Variants in KRT25 observed in about 807,000 individuals in gnomAD.
The protein encoded by KRT25 is keratin, type I cytoskeletal 25.
Under a neutral mutation model 47.6 loss-of-function variants are expected in KRT25, and 37 were observed. The ratio of observed to expected loss-of-function variants is 0.78; its 90% CI spans 0.60 to 1.02. The LOEUF (loss-of-function observed/expected upper bound fraction) is 1.02, where lower values mean the gene tolerates loss of function less well. KRT25 is among the 50% of genes least tolerant of loss of function. The pLI is 0.00. For synonymous variants in KRT25, 203 were observed against 210.2 expected (o/e 0.97, Z 0.30); for missense variants, 542 against 550.3 (o/e 0.98, Z 0.15).
At chr17:40,754,354 A>G (rs1008382857) in intron 2 of KRT25, 32 bp downstream of exon 2, 7 of 1,552,488 alleles carry the variant, frequency 4.5e-6, no homozygotes, top group Middle Eastern at 3.3e-4. Flanking sequence ...ATGAATTGCC[A>G]TGAATTCATT....
intron 2 of KRT25, 31 bp downstream of exon 2, chr17:40,754,355 T>C: frequency 1.3e-6 from 2 of 1,552,818 alleles, no homozygotes; most frequent in Non-Finnish European, 1.8e-6. Flanking sequence ...TGAATTGCCA[T>C]GAATTCATTT....
rs2038033583 is a variant in KRT25, at chr17:40,750,312, G to A, written c.1175+68C>T. The stretch of plus-strand genomic sequence containing the variant: ...GCCAAATTATGTCCGCTTTCCAGTG[G>A]AAAGTGGGATCTAAGTTGCAAGCAG... On this transcript the variant is annotated intron_variant, in intron 6 of 7. Transcript: ENST00000312150. 4 of 1,506,138 alleles carry A rather than the reference G, an allele frequency of 2.7e-6. No individual in the cohort carries two copies. The Admixed American group carries it at 5.1e-5, about 19-fold the overall frequency. The allele number at this position is 1,506,138 out of a possible 1,614,324, so 93.3% of individuals were successfully genotyped here. A position where few individuals can be genotyped will look rare whatever the true frequency, so the allele number is the denominator to read the frequency against.
At chr17:40,753,468 A>T (rs1039502887) in intron 3 of KRT25, among the ~76,000 whole-genome samples, 1 of 151,662 alleles carries the variant, frequency 6.6e-6, no homozygotes, top group South Asian at 2.1e-4. Flanking sequence ...AGGCTGAGGC[A>T]GGTGGATCAC....
chr17:40,754,460 T>C lies in KRT25; in HGVS notation c.438A>G (p.Ala146=). Residue 146 remains alanine (A), a synonymous_variant, in exon 2 of 8, where the codon GCA becomes GCG. Coordinates refer to ENST00000312150, the MANE Select transcript of KRT25 (RefSeq NM_181534.4). ...CAGCATTAGCATTGCTGGTGGTGGA[T>C]GCGATGATCTAGAAATGGGAATTTG... ...IIDDLKNQII[A]STTSNANAVL... is the part of the protein sequence containing the mutation. 1 of 1,613,686 alleles carries C rather than the reference T, an allele frequency of 6.2e-7. No individual in the cohort carries two copies. The highest frequency in any genetic ancestry group is 8.5e-7 in the Non-Finnish European group (1 of 1,179,666).
At chr17:40,750,757 A>C (rs2038038593) in intron 5 of KRT25, among the ~76,000 whole-genome samples, 160 bp from the exon 6 acceptor site, 1 of 152,178 alleles carries the variant, frequency 6.6e-6, no homozygotes. Flanking sequence ...AAATGAGCAA[A>C]TCCTTCTTTT....
In KRT25 at chr17:40,751,186, C is replaced by T. The variant is rs2038043368; in HGVS notation, c.810G>A (p.Ala270=). The T allele has an allele frequency of 6.2e-7, 1 of 1,613,992 alleles. No homozygotes were observed. Among genetic ancestry groups the T allele is most frequent in the Non-Finnish European group, 8.5e-7 (1 of 1,179,994 alleles). ...EALAEQNRRD[A]EAWFNEKSAS... ...TCACCTTCTCGTTGAACCAGGCCTC[C>T]GCGTCCCTGCGGTTCTGCTCTGCAA... is the stretch of plus-strand genomic sequence containing the variant. Residue 270 remains alanine (A), a synonymous_variant, in exon 4 of 8, where the codon GCG becomes GCA. Coordinates refer to ENST00000312150, the MANE Select transcript of KRT25 (RefSeq NM_181534.4).
chr17:40,753,397 A>G (rs2038068890), intron 3 of KRT25, among the ~76,000 whole-genome samples: 1 of 151,790 alleles, frequency 6.6e-6, no homozygotes, highest in African/African-American at 2.4e-5. Context: ...AGAATCTGAC[A>G]CTTAAAAAGA....
At chr17:40,752,419 T>C (rs892452958) in intron 3 of KRT25, among the ~76,000 whole-genome samples, 1 of 152,132 alleles carries the variant, frequency 6.6e-6, no homozygotes, top group Non-Finnish European at 1.5e-5. Context: ...CATTCATGAA[T>C]TGGTCTTAAT....
rs146925647 is a variant in KRT25, at chr17:40,750,587, A to C, written c.968T>G (p.Leu323Arg). 497 of 1,614,214 alleles carry C rather than the reference A, an allele frequency of 3.1e-4. 2 individuals are homozygous for C. Among genetic ancestry groups the C allele is most frequent in the Middle Eastern group, 2.1e-3 (13 of 6,062 alleles). The change falls in exon 6 of 8, where the codon CTG (leucine) becomes CGG (arginine). Residue 323 changes from leucine to arginine, a missense_variant. Transcript: ENST00000312150. Reference protein sequence around the residue: ...LQSLLATKHSLECSLTETESN... With the variant: ...LQSLLATKHSRECSLTETESN... ...CTCGGTCTCTGTCAAGGAGCACTCC[A>C]GGGAGTGTTTCTGTCAGGAAGCAAT...
rs1213031435 is a variant in KRT25 at position 40,754,963 on chromosome 17, G to A, written c.309C>T (p.Ala103=). The change falls in exon 1 of 8, where the codon GCC becomes GCT. Residue 103 remains alanine (A), a synonymous_variant. Transcript: ENST00000312150. ...YLDSVHALEE[A]NADLEQKIKG... ...TGATCTTCTGCTCCAGGTCAGCGTT[G>A]GCCTCCTCCAGAGCATGCACACTGT... The A allele has an allele frequency of 6.2e-7, 1 of 1,614,028 alleles. No homozygotes were observed. Among genetic ancestry groups the A allele is most frequent in the Non-Finnish European group, 8.5e-7 (1 of 1,180,010 alleles).
In KRT25 at chr17:40,750,460, C is replaced by T. The variant is rs2038035487; in HGVS notation, c.1095G>A (p.Glu365=). ...VRTETEGQKL[E]YEQLLDIKLH... is the part of the protein sequence containing the mutation. Reference sequence around the variant, plus strand: ...GCTTGATGTCCAGGAGCTGCTCATACTCCAGCTTCTGGCCCTCGGTCTCGG... The same window carrying T: ...GCTTGATGTCCAGGAGCTGCTCATATTCCAGCTTCTGGCCCTCGGTCTCGG... Residue 365 remains glutamate, a synonymous_variant, in exon 6 of 8, where the codon GAG becomes GAA. Coordinates refer to ENST00000312150, the MANE Select transcript of KRT25 (RefSeq NM_181534.4). 3.7e-6 allele frequency: 6 copies of T among 1,614,050 alleles called. No homozygotes were observed. The highest frequency in any genetic ancestry group is 5.1e-6 in the Non-Finnish European group (6 of 1,179,918).
chr17:40,752,072 C>G (rs534310523), intron 3 of KRT25, among the ~76,000 whole-genome samples: 23 of 152,018 alleles, frequency 1.5e-4, no homozygotes, highest in Non-Finnish European at 2.4e-4. Flanking sequence ...AGTTGCTTAA[C>G]CTTTTTACGT....
intron 5 of KRT25, 121 bp from the exon 6 acceptor site, chr17:40,750,718 C>T (rs2038038303): frequency 1.4e-6 from 2 of 1,435,158 alleles, no homozygotes; most frequent in Non-Finnish European, 1.9e-6. Flanking sequence ...CACATGGACA[C>T]ATAGTTAAGA....
At chr17:40,751,376 G>C (rs200474753) in intron 3 of KRT25, 50 bp from the exon 4 acceptor site, 1 of 1,542,680 alleles carries the variant, frequency 6.5e-7, no homozygotes, top group East Asian at 2.3e-5. Flanking sequence ...CTCATGGAAA[G>C]TCTAGAAGCT....
chr17:40,750,231 G>T (rs1016576062), intron 6 of KRT25, 149 bp downstream of exon 6: 4 of 742,052 alleles, frequency 5.4e-6, no homozygotes, highest in Non-Finnish European at 9.1e-6. Flanking sequence ...TTGTATTTTG[G>T]CAGTTGAGTA....
At chr17:40,754,724 A>AAG (rs2038089209) in intron 1 of KRT25, 119 bp downstream of exon 1, 1 of 1,139,558 alleles carries the variant, frequency 8.8e-7, no homozygotes, top group African/African-American at 1.6e-5. Flanking sequence ...TTCTCAAAAA[A>AAG]AAAAAAAAAA....
chr17:40,753,778 T>G, intron 3 of KRT25, 82 bp downstream of exon 3: 1 of 1,103,784 alleles, frequency 9.1e-7, no homozygotes, highest in East Asian at 3.2e-5. Context: ...CAACTTTTTA[T>G]ATGAGAGGTT....
rs1273971658 is a variant in KRT25 at position 40,753,292 on chromosome 17, C to T, written c.669+568G>A. Among the ~76,000 whole-genome samples, 3 of 151,444 alleles carry T rather than the reference C, an allele frequency of 2.0e-5. No homozygotes were observed. In the East Asian group the frequency reaches 5.8e-4, roughly 29 times the overall value. ...TTAGTTATAATTACACAGCCAAACACTGCTCTTATAACCCTGATTGGTCTG... is the reference window on the plus strand; with the variant it reads ...TTAGTTATAATTACACAGCCAAACATTGCTCTTATAACCCTGATTGGTCTG... On this transcript the variant is annotated intron_variant, in intron 3 of 7. Transcript: ENST00000312150.
chr17:40,755,369 C>A, upstream of KRT25: 1 of 1,110,016 alleles, frequency 9.0e-7, no homozygotes, highest in Non-Finnish European at 1.3e-6. Context: ...ATAGGCAAGT[C>A]CCAAGTGTGT....
Sources: allele counts gnomAD v4.1 joint callset (sites outside exome capture counted in the v4.1 genomes callset), GRCh38; gene constraint gnomAD v4.1.1; transcripts MANE v1.5; gene names NCBI Gene and HGNC (gene_info 2026-07-23, HGNC 2026-07-21).